Variants in ELAPOR1 observed in about 807,000 individuals in gnomAD.
ELAPOR1 encodes endosome-lysosome associated apoptosis and autophagy regulator 1.
ELAPOR1 carries 77 observed loss-of-function variants against 119.7 expected under a neutral mutation model. That is an observed-to-expected ratio of 0.64 (90% CI 0.54 to 0.78). The LOEUF (loss-of-function observed/expected upper bound fraction) is 0.78. Among genes scored for constraint, ELAPOR1 ranks in the 30% least tolerant of loss-of-function variants. The pLI is 0.00. For synonymous variants in ELAPOR1, 481 were observed against 487.2 expected, an observed-to-expected ratio of 0.99 and a Z score of 0.17; for missense variants, 1,115 against 1,270.4, an observed-to-expected ratio of 0.88 and a Z score of 1.86.
At chr1:109,161,489 T>G (rs1651256756) in intron 1 of ELAPOR1, 1 of 154,044 alleles carries the variant, frequency 6.5e-6, no homozygotes, top group African/African-American at 2.4e-5. Context: ...TTGTAAATTT[T>G]TTGTGGACTA....
chr1:109,183,895 C>T (rs1652895376), intron 7 of ELAPOR1, among the ~76,000 whole-genome samples: 1 of 151,934 alleles, frequency 6.6e-6, no homozygotes, highest in Admixed American at 6.6e-5. Flanking sequence ...CCACCATGCC[C>T]AGCAGTTAAC....
intron 1 of ELAPOR1, 34 bp from the exon 2 acceptor site, chr1:109,161,860 A>C: frequency 6.3e-7 from 1 of 1,590,404 alleles, no homozygotes; most frequent in African/African-American, 1.3e-5. Flanking sequence ...ATCACTGCTA[A>C]TGCACATTTC....
chr1:109,182,308 C>T (rs938483769), intron 7 of ELAPOR1, among the ~76,000 whole-genome samples: 5 of 150,490 alleles, frequency 3.3e-5, no homozygotes, highest in African/African-American at 1.2e-4. Flanking sequence ...CCAACCTGGG[C>T]AACAGAGCGA....
intron 3 of ELAPOR1, among the ~76,000 whole-genome samples, chr1:109,170,796 G>A (rs1486561940): frequency 6.6e-6 from 1 of 152,236 alleles, no homozygotes; most frequent in Non-Finnish European, 1.5e-5. Flanking sequence ...TGGCTTCAGG[G>A]AGACAAGTTT....
intron 1 of ELAPOR1, among the ~76,000 whole-genome samples, chr1:109,142,657 G>A (rs923463794): frequency 6.6e-6 from 1 of 152,250 alleles, no homozygotes; most frequent in African/African-American, 2.4e-5. Context: ...AATAACAAGT[G>A]TGGTTGAGGA....
At chr1:109,187,947 T>C in intron 8 of ELAPOR1, 1 of 1,285,096 alleles carries the variant, frequency 7.8e-7, no homozygotes, top group Non-Finnish European at 9.9e-7. Context: ...CTATTCCTTG[T>C]CACCCAGGCA....
chr1:109,180,292 T>G (rs926167105), intron 7 of ELAPOR1, among the ~76,000 whole-genome samples: 28 of 152,230 alleles, frequency 1.8e-4, no homozygotes, highest in African/African-American at 6.8e-4. Context: ...CACCAATTAG[T>G]AGCAGTGCCA....
intron 8 of ELAPOR1, chr1:109,187,306 C>A: frequency 1.0e-6 from 1 of 985,488 alleles, no homozygotes; most frequent in Non-Finnish European, 1.2e-6. Flanking sequence ...GCCTGGGGCT[C>A]TGGCTGTCGC....
chr1:109,114,331 A>G lies in ELAPOR1; in HGVS notation c.148A>G (p.Lys50Glu), dbSNP rs1392246295. The stretch of plus-strand genomic sequence containing the variant: ...AACGGGACCGGAGCTTCATGCCTGC[A>G]AAGAGGTACTGCCGCCCCCCTACCC... ...QGTGPELHAC[K>E]ESEYHYEYTA... Residue 50 changes from lysine (K) to glutamate (E), a missense_variant, in exon 1 of 22, where the codon AAA (lysine) becomes GAA (glutamate). Transcript: ENST00000369939. The G allele has an allele frequency of 3.8e-6, 6 of 1,589,054 alleles. No homozygotes were observed. The highest frequency in any genetic ancestry group is 5.1e-6 in the Non-Finnish European group (6 of 1,167,824).
chr1:109,192,574 G>GCCTCTCC (rs745928061), intron 13 of ELAPOR1, 37 bp from the exon 14 acceptor site: 2 of 1,607,656 alleles, frequency 1.2e-6, no homozygotes, highest in Non-Finnish European at 1.7e-6. Flanking sequence ...GCTGTCTCAG[G>GCCTCTCC]CCTCTCCCCT....
chr1:109,115,248 T>C (rs1035158101), intron 1 of ELAPOR1, among the ~76,000 whole-genome samples: 2 of 152,160 alleles, frequency 1.3e-5, no homozygotes, highest in Non-Finnish European at 2.9e-5. Flanking sequence ...AGAAACCATA[T>C]GGCAGAGGCA....
chr1:109,168,066 G>C (rs1395693358), intron 3 of ELAPOR1, among the ~76,000 whole-genome samples: 1 of 152,028 alleles, frequency 6.6e-6, no homozygotes, highest in African/African-American at 2.4e-5. Context: ...CCTCTCCCAA[G>C]TTCCTTCTGT....
intron 7 of ELAPOR1, among the ~76,000 whole-genome samples, chr1:109,175,826 C>CAA (rs55824923): frequency 6.8e-4 from 60 of 88,432 alleles, no homozygotes; most frequent in African/African-American, 2.1e-3. Context: ...GACTCAGTCT[C>CAA]AAAAAAAAAA....
At chr1:109,154,346 A>G (rs595635) in intron 1 of ELAPOR1, among the ~76,000 whole-genome samples, 41,797 of 151,548 alleles carry the variant, frequency 0.28, 6,008 homozygotes, top group Middle Eastern at 0.39. Context: ...TTTCCATATC[A>G]GTACCCGTAC....
rs1342307686 is a variant in ELAPOR1, at chr1:109,185,154, G to A, written c.1041+21G>A. On this transcript the variant is annotated intron_variant, in intron 8 of 21. Transcript: ENST00000369939. Reference sequence around the variant, plus strand: ...GAGAGGTGGGTAGTACAGTCTTGGAGCCCCTTAGCCCCAGATGGACTGTCT... The same window carrying A: ...GAGAGGTGGGTAGTACAGTCTTGGAACCCCTTAGCCCCAGATGGACTGTCT... 3 of 1,575,342 alleles carry A rather than the reference G, an allele frequency of 1.9e-6. No homozygotes were observed. In the African/African-American group the frequency reaches 4.0e-5, roughly 21 times the overall value.
chr1:109,190,944 G>A (rs77232972), intron 11 of ELAPOR1, among the ~76,000 whole-genome samples: 2,183 of 152,206 alleles, frequency 0.014, 44 homozygotes, highest in African/African-American at 0.043. Flanking sequence ...CACACGAATC[G>A]CCTGGGAATC....
chr1:109,132,155 C>CTT (rs377413067), intron 1 of ELAPOR1, among the ~76,000 whole-genome samples: 1 of 147,822 alleles, frequency 6.8e-6, no homozygotes, highest in Non-Finnish European at 1.5e-5. Context: ...ACCAACCAGG[C>CTT]TTTTTTTTTT....
intron 8 of ELAPOR1, 151 bp downstream of exon 8, chr1:109,185,284 T>G: frequency 1.6e-6 from 1 of 636,784 alleles, no homozygotes; most frequent in Admixed American, 2.9e-5. Flanking sequence ...CTAGGTGGGG[T>G]GGGGGGCAAA....
Position 109,200,043 on chromosome 1 carries a change from T to C in ELAPOR1, c.2629-16T>C. 1 of 1,613,092 alleles carries C rather than the reference T, an allele frequency of 6.2e-7. No individual in the cohort carries two copies. The highest frequency in any genetic ancestry group is 1.1e-5 in the South Asian group (1 of 91,068). On this transcript the variant is annotated splice_polypyrimidine_tract_variant and intron_variant, in intron 19 of 21. Coordinates refer to ENST00000369939, the MANE Select transcript of ELAPOR1 (RefSeq NM_020775.5). ...GGGAATGGGAGATCTGAGTTCCTTG[T>C]TTTTCTCCCCAACAGAAGACTACTT...
Sources: gnomAD v4.1 joint callset for allele counts (sites outside exome capture counted in the v4.1 genomes callset) on GRCh38, gnomAD v4.1.1 for gene constraint, MANE v1.5 for transcripts, NCBI Gene and HGNC (gene_info 2026-07-23, HGNC 2026-07-21) for gene names.